Variants in C12orf42 observed in about 807,000 individuals in gnomAD.
C12orf42 encodes chromosome 12 open reading frame 42, also known as uncharacterized protein C12orf42.
Under a neutral mutation model 21.6 loss-of-function variants are expected in C12orf42, and 25 were observed. The observed-to-expected ratio is 1.16, with a 90% CI of 0.84 to 1.62. The LOEUF is 1.62. Among genes scored for constraint, C12orf42 ranks in the 40% most tolerant of loss-of-function variants. The pLI is 0.00. For missense variants in C12orf42, 483 were observed against 459.3 expected, an observed-to-expected ratio of 1.05 and a Z score of -0.47; for synonymous variants, 174 against 175.0, an observed-to-expected ratio of 0.99 and a Z score of 0.05.
the C12orf42 span, among the ~76,000 whole-genome samples, chr12:103,089,501 C>T: frequency 1.3e-5 from 2 of 152,002 alleles, no homozygotes; most frequent in South Asian, 2.1e-4. Context: ...CGTAAGAAAT[C>T]GGTAATGAGA....
the C12orf42 span, among the ~76,000 whole-genome samples, chr12:103,062,508 G>C: frequency 6.6e-6 from 1 of 152,010 alleles, no homozygotes; most frequent in East Asian, 1.9e-4. Context: ...AGTCGTGTTA[G>C]TCTTAGTAAT....
At chr12:103,508,719 G>A in the C12orf42 span, among the ~76,000 whole-genome samples, 1 of 152,046 alleles carries the variant, frequency 6.6e-6, no homozygotes, top group Non-Finnish European at 1.5e-5. Context: ...GTTCCTTTGT[G>A]CAACATAGTA....
chr12:103,217,690 T>A, the C12orf42 span, among the ~76,000 whole-genome samples: 2 of 152,184 alleles, frequency 1.3e-5, no homozygotes, highest in African/African-American at 4.8e-5. Context: ...TGCCACTACT[T>A]ACAGAACTCA....
At chr12:103,522,309 A>T in the C12orf42 span, among the ~76,000 whole-genome samples, 6 of 152,132 alleles carry the variant, frequency 3.9e-5, no homozygotes, top group African/African-American at 1.2e-4. Flanking sequence ...AGGTCTCCCC[A>T]GCCATGTGGA....
chr12:103,445,702 CATT>C (rs1241790017), intron 2 of C12orf42, among the ~76,000 whole-genome samples: 1 of 151,898 alleles, frequency 6.6e-6, no homozygotes, highest in Non-Finnish European at 1.5e-5. Context: ...GGAGCTTTCC[CATT>C]ATTTTGTTTT....
chr12:103,449,561 A>G (rs1202962678), intron 2 of C12orf42, among the ~76,000 whole-genome samples: 4 of 152,046 alleles, frequency 2.6e-5, no homozygotes, highest in Admixed American at 6.6e-5. Context: ...TAAGATAATA[A>G]TATGTTTTGG....
intron 3 of C12orf42, among the ~76,000 whole-genome samples, chr12:103,372,196 A>G (rs1466148569): frequency 6.6e-6 from 1 of 151,986 alleles, no homozygotes; most frequent in East Asian, 1.9e-4. Context: ...TAGCATCTTC[A>G]TCCACATCCC....
At chr12:103,180,511 C>G in the C12orf42 span, among the ~76,000 whole-genome samples, 1 of 151,606 alleles carries the variant, frequency 6.6e-6, no homozygotes, top group African/African-American at 2.4e-5. Context: ...TCAGGATCTT[C>G]CAGGTTGCTG....
At chr12:103,313,608 G>T (rs1022132408) in intron 4 of C12orf42, among the ~76,000 whole-genome samples, 1 of 152,188 alleles carries the variant, frequency 6.6e-6, no homozygotes, top group Non-Finnish European at 1.5e-5. Flanking sequence ...ACACAGGATT[G>T]GTATGAAGAT....
chr12:103,505,976 C>T, the C12orf42 span: 3 of 171,016 alleles, frequency 1.8e-5, no homozygotes, highest in Non-Finnish European at 2.5e-5. Flanking sequence ...TTTGCTCAGG[C>T]GGGATACCTC....
the C12orf42 span, among the ~76,000 whole-genome samples, chr12:103,529,714 T>C: frequency 2.6e-5 from 4 of 152,350 alleles, no homozygotes; most frequent in African/African-American, 9.6e-5. Context: ...GCATTTCCAC[T>C]GATCATTTCA....
intron 1 of C12orf42, among the ~76,000 whole-genome samples, chr12:103,483,447 C>T (rs1954610427): frequency 6.6e-6 from 1 of 152,118 alleles, no homozygotes; most frequent in Non-Finnish European, 1.5e-5. Flanking sequence ...GATCCAGCCT[C>T]AGGCCATTTT....
the C12orf42 span, among the ~76,000 whole-genome samples, chr12:103,086,759 G>C: frequency 1.3e-5 from 2 of 151,976 alleles, no homozygotes; most frequent in Non-Finnish European, 2.9e-5. Context: ...TTTTGTAAGA[G>C]CTATTTGATA....
At chr12:103,516,492 C>T in the C12orf42 span, among the ~76,000 whole-genome samples, 3 of 152,342 alleles carry the variant, frequency 2.0e-5, no homozygotes, top group Non-Finnish European at 4.4e-5. Flanking sequence ...AATTGACTCA[C>T]AGTTCCACAT....
At chr12:103,352,723 G>A (rs2137494799) in intron 4 of C12orf42, among the ~76,000 whole-genome samples, 1 of 152,252 alleles carries the variant, frequency 6.6e-6, no homozygotes, top group South Asian at 2.1e-4. Flanking sequence ...TACAGTCACA[G>A]GCTATGAAGG....
chr12:103,136,695 G>T, the C12orf42 span, among the ~76,000 whole-genome samples: 2 of 152,070 alleles, frequency 1.3e-5, no homozygotes, highest in East Asian at 3.9e-4. Context: ...ATCAAACAAT[G>T]GAACAGAGTA....
At chr12:103,059,521 C>T in the C12orf42 span, among the ~76,000 whole-genome samples, 1,629 of 152,056 alleles carry the variant, frequency 0.011, 12 homozygotes, top group South Asian at 0.02. Flanking sequence ...AGGCACACAA[C>T]GAAAAAAGAA....
chr12:103,457,127 C>A (rs1236526537), intron 2 of C12orf42, among the ~76,000 whole-genome samples: 1 of 152,130 alleles, frequency 6.6e-6, no homozygotes, highest in Non-Finnish European at 1.5e-5. Context: ...ACTCTGTTCA[C>A]AGAACTTGGA....
At chr12:103,467,565 A>G (rs765050222) in intron 2 of C12orf42, among the ~76,000 whole-genome samples, 1 of 152,256 alleles carries the variant, frequency 6.6e-6, no homozygotes, top group Middle Eastern at 3.4e-3. Flanking sequence ...AGGGTAGAAC[A>G]GGTGGGTTGA....
Sources: gnomAD v4.1 joint callset for allele counts (sites outside exome capture counted in the v4.1 genomes callset) on GRCh38, gnomAD v4.1.1 for gene constraint, MANE v1.5 for transcripts, NCBI Gene and HGNC (gene_info 2026-07-23, HGNC 2026-07-21) for gene names.